The following PLD5 variants were observed in gnomAD, a reference collection of about 807,000 sequenced individuals.
The protein encoded by PLD5 is phospholipase D family member 5.
In PLD5, 36 loss-of-function variants were observed where a neutral mutation model predicts 61.1. The ratio of observed to expected loss-of-function variants is 0.59; its 90% CI spans 0.45 to 0.78. The LOEUF (loss-of-function observed/expected upper bound fraction) is 0.78, where lower values mean the gene tolerates loss of function less well. Ranked by LOEUF, PLD5 falls within the 30% of genes least tolerant of loss-of-function variation. The pLI is 0.00. For missense variants in PLD5, 515 were observed against 644.4 expected (o/e 0.80, Z 2.17); for synonymous variants, 243 against 242.8 (o/e 1.00, Z -0.01).
chr1:242,085,318 C>G lies in PLD5; in HGVS notation c.*4536G>C, dbSNP rs1367852194. 6.6e-6 allele frequency: 1 copy of G among 151,684 alleles called. No individual in the cohort carries two copies. The highest frequency in any genetic ancestry group is 1.5e-5 in the Non-Finnish European group (1 of 67,958). 9.4% of individuals were successfully genotyped at this position (151,684 alleles called of 1,614,324 possible). ...TGTAAATACAAGACTGCTAATGGGTCAAAAATAAGAAAATTTCATTTTTAC... is the reference window on the plus strand; with the variant it reads ...TGTAAATACAAGACTGCTAATGGGTGAAAAATAAGAAAATTTCATTTTTAC... On this transcript the variant is annotated 3_prime_UTR_variant, in exon 10 of 10. Coordinates refer to ENST00000536534, the MANE Select transcript of PLD5 (RefSeq NM_001372062.1).
At chr1:242,512,226 A>T (rs919807012) in intron 1 of PLD5, among the ~76,000 whole-genome samples, 1 of 151,242 alleles carries the variant, frequency 6.6e-6, no homozygotes, top group Non-Finnish European at 1.5e-5. Context: ...CCTGGCTAAC[A>T]CGGTGAAACC....
intron 1 of PLD5, among the ~76,000 whole-genome samples, chr1:242,404,088 C>T (rs1205283187): frequency 6.6e-6 from 1 of 152,140 alleles, no homozygotes; most frequent in Admixed American, 6.5e-5. Context: ...GCAACAGAAA[C>T]CGGTCCCTGC....
intron 2 of PLD5, among the ~76,000 whole-genome samples, chr1:242,310,607 A>T (rs2800497): frequency 2.6e-5 from 4 of 152,216 alleles, no homozygotes; most frequent in Admixed American, 2.6e-4. Context: ...AAAAGTAATC[A>T]TGGGTTTTGC....
At chr1:242,172,756 G>T (rs556673652) in intron 5 of PLD5, among the ~76,000 whole-genome samples, 1 of 151,996 alleles carries the variant, frequency 6.6e-6, no homozygotes, top group Non-Finnish European at 1.5e-5. Flanking sequence ...ACACCTCTAC[G>T]CATATAGACC....
intron 1 of PLD5, among the ~76,000 whole-genome samples, chr1:242,429,655 C>T (rs551215594): frequency 1.3e-5 from 2 of 152,202 alleles, no homozygotes; most frequent in African/African-American, 4.8e-5. Flanking sequence ...ACCATTTTTA[C>T]TTCTTATCAT....
chr1:242,439,101 C>T (rs573431855), intron 1 of PLD5, among the ~76,000 whole-genome samples: 3 of 152,274 alleles, frequency 2.0e-5, no homozygotes, highest in South Asian at 2.1e-4. Context: ...CCTGGCATAG[C>T]GCTTAAGAGC....
At chr1:242,093,268 TTAG>T (rs1339133810) in intron 9 of PLD5, among the ~76,000 whole-genome samples, 1 of 152,066 alleles carries the variant, frequency 6.6e-6, no homozygotes, top group Non-Finnish European at 1.5e-5. Context: ...CTAAACGGGA[TTAG>T]TAGCTCCCGT....
rs538551414 is a variant in PLD5, at chr1:242,524,321, G to T, written c.-45C>A. On this transcript the variant is annotated 5_prime_UTR_variant, in exon 1 of 10. Transcript: ENST00000536534. ...CGCCGGCGAGCAGCGGACTCGGGAC[G>T]GGCGCGCGGGGAGCCGGGCGCGGAG... is the stretch of plus-strand genomic sequence containing the variant. 15 of 1,358,268 alleles carry T rather than the reference G, an allele frequency of 1.1e-5. No individual in the cohort carries two copies. The African/African-American group carries it at 1.4e-4, about 13-fold the overall frequency. The allele number at this position is 1,358,268 out of a possible 1,614,324, so 84.1% of individuals were successfully genotyped here.
At chr1:242,194,997 A>C (rs1412416516) in intron 5 of PLD5, among the ~76,000 whole-genome samples, 1 of 152,170 alleles carries the variant, frequency 6.6e-6, no homozygotes, top group Non-Finnish European at 1.5e-5. Flanking sequence ...ATGTAACCAA[A>C]CACCACCTGT....
Position 242,089,407 on chromosome 1 carries a change from TTTACAAG to T in PLD5, c.*440_*446del. The T allele has an allele frequency of 2.5e-6, 1 of 401,828 alleles. No individual in the cohort carries two copies. The highest frequency in any genetic ancestry group is 4.2e-5 in the Admixed American group (1 of 23,538). The allele number at this position is 401,828 out of a possible 1,614,324, so 24.9% of individuals were successfully genotyped here. A position where few individuals can be genotyped will look rare whatever the true frequency, so the allele number is the denominator to read the frequency against. On this transcript the variant is annotated 3_prime_UTR_variant, in exon 10 of 10. Transcript: ENST00000536534. Reference sequence around the variant, plus strand: ...CTGACTGTGTAGGTCTTGGAGACGATTTACAAGAATAAACACTTGGTTTTATCAGTCT... The same window carrying T: ...CTGACTGTGTAGGTCTTGGAGACGATAATAAACACTTGGTTTTATCAGTCT...
At chr1:242,363,320 C>G (rs939249098) in intron 1 of PLD5, among the ~76,000 whole-genome samples, 4 of 151,432 alleles carry the variant, frequency 2.6e-5, no homozygotes, top group Non-Finnish European at 5.9e-5. Flanking sequence ...TAGCCCTAGA[C>G]TCATGGCTGC....
At chr1:242,376,034 TAATA>T (rs1368674352) in intron 1 of PLD5, among the ~76,000 whole-genome samples, 2 of 152,208 alleles carry the variant, frequency 1.3e-5, no homozygotes, top group African/African-American at 4.8e-5. Context: ...CTGTAATATT[TAATA>T]AATTACATGA....
intron 5 of PLD5, among the ~76,000 whole-genome samples, chr1:242,141,593 GT>G (rs1156908704): frequency 6.6e-5 from 10 of 152,106 alleles, no homozygotes; most frequent in Non-Finnish European, 1.5e-4. Flanking sequence ...TTTTCAGAAT[GT>G]GTTTTTACGT....
intron 1 of PLD5, among the ~76,000 whole-genome samples, chr1:242,496,588 C>A (rs1668376999): frequency 2.0e-5 from 3 of 152,194 alleles, no homozygotes; most frequent in African/African-American, 7.2e-5. Flanking sequence ...AGTGAAACCA[C>A]AGTTTAAAAG....
chr1:242,335,863 C>T (rs1365738048), intron 2 of PLD5, among the ~76,000 whole-genome samples: 1 of 152,106 alleles, frequency 6.6e-6, no homozygotes, highest in East Asian at 1.9e-4. Context: ...AAAAGAAAGG[C>T]TCCAAAATCT....
intron 3 of PLD5, among the ~76,000 whole-genome samples, chr1:242,272,455 C>T (rs1169263210): frequency 1.3e-5 from 2 of 152,004 alleles, no homozygotes; most frequent in African/African-American, 2.4e-5. Context: ...AAACAATTTT[C>T]GTTTGTGGAA....
intron 9 of PLD5, among the ~76,000 whole-genome samples, chr1:242,091,832 CTTTTTTTT>C (rs750237371): frequency 8.1e-6 from 1 of 123,432 alleles, no homozygotes; most frequent in Non-Finnish European, 1.7e-5. Flanking sequence ...TTCTTTTTTT[CTTTTTTTT>C]TTTTTTTGAG....
rs143183682 is a variant in PLD5 at position 242,164,871 on chromosome 1, GCTTTT to G, written c.736-40211_736-40207del. Among the ~76,000 whole-genome samples the G allele has an allele frequency of 3.0e-3, 449 of 150,206 alleles. 7 individuals are homozygous for G. The highest frequency in any genetic ancestry group is 0.01 in the African/African-American group (420 of 40,086). ...ATGTTACTTGTAAATCTCTGAAGGT[GCTTTT>G]CTTTTATGAGTTTCCTGCTGCTCTG... On this transcript the variant is annotated intron_variant, in intron 5 of 9. Coordinates refer to ENST00000536534, the MANE Select transcript of PLD5 (RefSeq NM_001372062.1).
chr1:242,264,070 C>T (rs556120174), intron 4 of PLD5, among the ~76,000 whole-genome samples: 1 of 151,590 alleles, frequency 6.6e-6, no homozygotes, highest in South Asian at 2.1e-4. Flanking sequence ...AAATCATCTG[C>T]AAATACAGGA....
Sources: gnomAD v4.1 joint callset for allele counts (sites outside exome capture counted in the v4.1 genomes callset) on GRCh38, gnomAD v4.1.1 for gene constraint, MANE v1.5 for transcripts, NCBI Gene and HGNC (gene_info 2026-07-23, HGNC 2026-07-21) for gene names.